RASAL2: variants seen among roughly 807,000 people sequenced by gnomAD.
RASAL2 encodes ras GTPase-activating protein nGAP.
In RASAL2, 58 loss-of-function variants were observed where a neutral mutation model predicts 128.9. The ratio of observed to expected loss-of-function variants is 0.45; its 90% CI spans 0.36 to 0.56. The LOEUF (loss-of-function observed/expected upper bound fraction) is 0.56. RASAL2 is among the 20% of genes least tolerant of loss of function. The probability of loss-of-function intolerance (pLI) is 0.00; values close to 1 mark genes in which losing one functional copy is unlikely to be tolerated. For synonymous variants in RASAL2, 561 were observed against 580.8 expected, an observed-to-expected ratio of 0.97 and a Z score of 0.49; for missense variants, 1,360 against 1,601.6, an observed-to-expected ratio of 0.85 and a Z score of 2.57.
chr1:178,400,223 C>T (rs1183318074), intron 4 of RASAL2, among the ~76,000 whole-genome samples: 1 of 152,200 alleles, frequency 6.6e-6, no homozygotes, highest in Non-Finnish European at 1.5e-5. Context: ...TTTCCTAATG[C>T]TCAGTATCCT....
intron 1 of RASAL2, among the ~76,000 whole-genome samples, chr1:178,268,998 G>T (rs1436025422): frequency 6.6e-6 from 1 of 152,156 alleles, no homozygotes; most frequent in Non-Finnish European, 1.5e-5. Flanking sequence ...TGAACTGAGT[G>T]TGTCTCCCCA....
intron 4 of RASAL2, among the ~76,000 whole-genome samples, chr1:178,408,828 G>C (rs1283103546): frequency 1.3e-5 from 2 of 152,098 alleles, no homozygotes; most frequent in African/African-American, 4.8e-5. Context: ...TAAAAAGGAA[G>C]GGTTCCGGTG....
At chr1:178,314,980 CT>C (rs1668437459) in intron 3 of RASAL2, among the ~76,000 whole-genome samples, 1 of 143,406 alleles carries the variant, frequency 7.0e-6, no homozygotes, top group African/African-American at 2.6e-5. Flanking sequence ...TGATATTCCC[CT>C]TCCTGTGTCC....
At chr1:178,094,973 A>G (rs1432738414) in intron 1 of RASAL2, among the ~76,000 whole-genome samples, 3 of 152,234 alleles carry the variant, frequency 2.0e-5, no homozygotes, top group Admixed American at 6.5e-5. Flanking sequence ...GATTACTTCA[A>G]GGGAACAGCC....
rs574357554 is a variant in RASAL2 at position 178,373,703 on chromosome 1, A to T, written c.458-16397A>T. Among the ~76,000 whole-genome samples, 12 of 152,166 alleles carry T rather than the reference A, an allele frequency of 7.9e-5. No homozygotes were observed. In the South Asian group the frequency reaches 2.1e-3, roughly 26 times the overall value. ...GTTTTTGTGGGGAAGGCATTATCCT[A>T]CTATACCTGAAATGAATTTGGTTAA... On this transcript the variant is annotated intron_variant, in intron 3 of 17. Coordinates refer to ENST00000367649, the MANE Select transcript of RASAL2 (RefSeq NM_170692.4).
intron 3 of RASAL2, among the ~76,000 whole-genome samples, chr1:178,383,573 C>G (rs1390051997): frequency 1.3e-5 from 2 of 152,050 alleles, no homozygotes; most frequent in Non-Finnish European, 2.9e-5. Context: ...AATATGAAAC[C>G]TTATTTTCAT....
At chr1:178,294,033 G>A (rs928807512) in intron 2 of RASAL2, among the ~76,000 whole-genome samples, 2 of 152,184 alleles carry the variant, frequency 1.3e-5, no homozygotes, top group Non-Finnish European at 2.9e-5. Context: ...ACACAATAGG[G>A]AATGTATTAA....
chr1:178,171,076 T>G (rs977012614), intron 1 of RASAL2, among the ~76,000 whole-genome samples: 1 of 151,984 alleles, frequency 6.6e-6, no homozygotes, highest in African/African-American at 2.4e-5. Context: ...TCAGTAAACT[T>G]ATACACCATT....
At chr1:178,424,134 A>G (rs1015986255) in intron 5 of RASAL2, among the ~76,000 whole-genome samples, 3 of 152,084 alleles carry the variant, frequency 2.0e-5, no homozygotes, top group African/African-American at 7.2e-5. Flanking sequence ...TCCCTTCTTC[A>G]AAAGGGAGAA....
At chr1:178,471,192 C>T (rs1648236209) in intron 17 of RASAL2, among the ~76,000 whole-genome samples, 1 of 152,128 alleles carries the variant, frequency 6.6e-6, no homozygotes, top group Admixed American at 6.5e-5. Flanking sequence ...TAATTTATCC[C>T]AGTTCTGAAA....
rs896455309 is a variant in RASAL2, at chr1:178,301,437, C to CT, written c.457+1330dup. Among the ~76,000 whole-genome samples the CT allele has an allele frequency of 9.1e-4, 134 of 147,566 alleles. 1 individual carries two copies. Among genetic ancestry groups the CT allele is most frequent in the Admixed American group, 1.6e-3 (23 of 14,810 alleles). ...CAATGATATGTTGACTGTTGTCTCT[C>CT]TTTTTTTTTTTCTGAGACAGAGACT... On this transcript the variant is annotated intron_variant, in intron 3 of 17. Coordinates refer to ENST00000367649, the MANE Select transcript of RASAL2 (RefSeq NM_170692.4).
chr1:178,360,715 G>A (rs1048004353), intron 3 of RASAL2, among the ~76,000 whole-genome samples: 1 of 152,218 alleles, frequency 6.6e-6, no homozygotes, highest in South Asian at 2.1e-4. Context: ...TTGTTTCACA[G>A]TTCTGGAAGT....
At chr1:178,145,795 A>G (rs1308387960) in intron 1 of RASAL2, among the ~76,000 whole-genome samples, 1 of 152,164 alleles carries the variant, frequency 6.6e-6, no homozygotes, top group Non-Finnish European at 1.5e-5. Context: ...ATCCTTAGGT[A>G]GCAGCAAAGA....
At chr1:178,109,050 G>A (rs1423724869) in intron 1 of RASAL2, among the ~76,000 whole-genome samples, 1 of 152,134 alleles carries the variant, frequency 6.6e-6, no homozygotes, top group Non-Finnish European at 1.5e-5. Context: ...TGAGACTACT[G>A]ATAGTTAAGA....
rs1648532192 is a variant in RASAL2 at position 178,474,442 on chromosome 1, TAAAAG to T, written c.*1208_*1212del. 1.1e-4 allele frequency: 16 copies of T among 152,112 alleles called. No individual in the cohort carries two copies. Among genetic ancestry groups the T allele is most frequent in the Admixed American group, 1.0e-3 (16 of 15,270 alleles). 9.4% of individuals were successfully genotyped at this position (152,112 alleles called of 1,614,324 possible). ...ATCCAAATTTGAAGCATCACTCTCT[TAAAAG>T]AAAAAGAAAATAATGGAAAGTGTCA... is the stretch of plus-strand genomic sequence containing the variant. On this transcript the variant is annotated 3_prime_UTR_variant, in exon 18 of 18. Coordinates refer to ENST00000367649, the MANE Select transcript of RASAL2 (RefSeq NM_170692.4).
Position 178,476,897 on chromosome 1 carries a change from C to G in RASAL2, c.*3658C>G, listed in dbSNP as rs1339182640. ...TGAGTTTGCATTCGTATTTGTTTCC[C>G]CTTCCATAGAGGGTTAGTTTTAGTT... On this transcript the variant is annotated 3_prime_UTR_variant, in exon 18 of 18. Transcript: ENST00000367649. 6.6e-6 allele frequency: 1 copy of G among 152,190 alleles called. No homozygotes were observed. The highest frequency in any genetic ancestry group is 6.5e-5 in the Admixed American group (1 of 15,276). The allele number at this position is 152,190 out of a possible 1,614,324, so 9.4% of individuals were successfully genotyped here.
chr1:178,131,584 C>T (rs1268545262), intron 1 of RASAL2, among the ~76,000 whole-genome samples: 1 of 151,962 alleles, frequency 6.6e-6, no homozygotes, highest in African/African-American at 2.4e-5. Context: ...ATTTAACATT[C>T]TTTTAGTAAC....
chr1:178,139,178 ATATC>A (rs757866201), intron 1 of RASAL2, among the ~76,000 whole-genome samples: 13 of 152,040 alleles, frequency 8.6e-5, no homozygotes, highest in Non-Finnish European at 1.5e-4. Flanking sequence ...TTTAATAAAA[ATATC>A]TAGTGGATCT....
intron 1 of RASAL2, among the ~76,000 whole-genome samples, chr1:178,269,675 C>T (rs969298845): frequency 4.7e-4 from 72 of 152,300 alleles, no homozygotes; most frequent in African/African-American, 1.6e-3. Context: ...GCCATGACAA[C>T]GTACCCTATA....
Sources: gnomAD v4.1 joint callset for allele counts (sites outside exome capture counted in the v4.1 genomes callset) on GRCh38, gnomAD v4.1.1 for gene constraint, MANE v1.5 for transcripts, NCBI Gene and HGNC (gene_info 2026-07-23, HGNC 2026-07-21) for gene names.